Variants in PLS1 observed in about 807,000 individuals in gnomAD.
PLS1 encodes plastin 1, also known as plastin-1.
In PLS1, 32 loss-of-function variants were observed where a neutral mutation model predicts 73.7. That is an observed-to-expected ratio of 0.43 (90% CI 0.33 to 0.58). The LOEUF (loss-of-function observed/expected upper bound fraction) is 0.58. Among genes scored for constraint, PLS1 ranks in the 20% least tolerant of loss-of-function variants. The pLI is 0.04. For synonymous variants in PLS1, 217 were observed against 261.3 expected (o/e 0.83, Z 1.63); for missense variants, 633 against 740.5 (o/e 0.85, Z 1.68).
chr3:142,614,113 T>A (rs1042887245), intron 1 of PLS1, among the ~76,000 whole-genome samples: 24 of 152,318 alleles, frequency 1.6e-4, no homozygotes, highest in African/African-American at 5.5e-4. Flanking sequence ...CTCCTCACCC[T>A]CTGTGAGTCA....
In PLS1 at chr3:142,676,242, C is replaced by G. The variant is rs1560063240; in HGVS notation, c.450C>G (p.Pro150=). ...GTAAGCATCTTATACCCATGAATCC[C>G]AATGATGATAGTCTTTTCAAGTCAC... ...PDCKHLIPMN[P]NDDSLFKSLA... Residue 150 remains proline, a synonymous_variant, in exon 5 of 16, where the codon CCC becomes CCG. Coordinates refer to ENST00000457734, the MANE Select transcript of PLS1 (RefSeq NM_001145319.2). The G allele has an allele frequency of 1.4e-5, 22 of 1,613,240 alleles. No homozygotes were observed. Among genetic ancestry groups the G allele is most frequent in the Non-Finnish European group, 1.9e-5 (22 of 1,179,344 alleles).
intron 1 of PLS1, chr3:142,619,316 GT>G (rs901182966): frequency 2.0e-5 from 3 of 152,140 alleles, no homozygotes; most frequent in Non-Finnish European, 4.4e-5. Context: ...TTTGCTTTTT[GT>G]GACTCATTGC....
At chr3:142,655,431 A>G (rs2037203703) in intron 1 of PLS1, among the ~76,000 whole-genome samples, 1 of 152,084 alleles carries the variant, frequency 6.6e-6, no homozygotes. Context: ...TCCCTTTAAG[A>G]GATCACAAGC....
At chr3:142,661,400 G>A (rs1278549280) in intron 1 of PLS1, among the ~76,000 whole-genome samples, 1 of 152,052 alleles carries the variant, frequency 6.6e-6, no homozygotes, top group Non-Finnish European at 1.5e-5. Context: ...TTTAAAATAA[G>A]ACCAAAAGAT....
At chr3:142,618,461 T>G (rs2036253598) in intron 1 of PLS1, among the ~76,000 whole-genome samples, 1 of 152,250 alleles carries the variant, frequency 6.6e-6, no homozygotes, top group Non-Finnish European at 1.5e-5. Context: ...GGTCAGAAGT[T>G]TGATACAGGT....
intron 12 of PLS1, among the ~76,000 whole-genome samples, chr3:142,701,971 A>G (rs1422034252): frequency 6.6e-6 from 1 of 152,254 alleles, no homozygotes; most frequent in Non-Finnish European, 1.5e-5. Flanking sequence ...CTTACAGCAT[A>G]TATTTCTTTT....
intron 1 of PLS1, among the ~76,000 whole-genome samples, chr3:142,635,435 C>CAA (rs34712134): frequency 2.3e-5 from 3 of 129,550 alleles, no homozygotes; most frequent in Admixed American, 8.1e-5. Flanking sequence ...ACTAAAAATA[C>CAA]AAAAAAAAAA....
intron 1 of PLS1, among the ~76,000 whole-genome samples, chr3:142,604,370 T>C (rs1193806440): frequency 6.6e-6 from 1 of 152,216 alleles, no homozygotes; most frequent in Non-Finnish European, 1.5e-5. Context: ...GCACTCTGAA[T>C]TCTTTCCTGG....
At chr3:142,641,926 C>CT (rs1487449300) in intron 1 of PLS1, among the ~76,000 whole-genome samples, 1 of 151,954 alleles carries the variant, frequency 6.6e-6, no homozygotes, top group Non-Finnish European at 1.5e-5. Context: ...CAGTTTTGGC[C>CT]TTTCTTTTCT....
chr3:142,679,700 G>T (rs1488913106), intron 6 of PLS1, among the ~76,000 whole-genome samples: 2 of 151,708 alleles, frequency 1.3e-5, no homozygotes, highest in African/African-American at 4.8e-5. Flanking sequence ...TTTGAAGTCA[G>T]GTAGCGTGAT....
chr3:142,616,374 G>T (rs1001147552), intron 1 of PLS1, among the ~76,000 whole-genome samples: 3 of 152,134 alleles, frequency 2.0e-5, no homozygotes, highest in African/African-American at 7.2e-5. Flanking sequence ...GGAAGAGAAA[G>T]AACACTAAAT....
intron 1 of PLS1, among the ~76,000 whole-genome samples, chr3:142,655,433 ATCACAAGCCGGGCACCGTGGC>A (rs1297850578): frequency 6.6e-6 from 1 of 152,090 alleles, no homozygotes; most frequent in Non-Finnish European, 1.5e-5. Flanking sequence ...CCTTTAAGAG[ATCACAAGCCGGGCACCGTGGC>A]TCATGCCTGT....
chr3:142,638,738 ATTTTATTTTATTT>A (rs565023291), intron 1 of PLS1, among the ~76,000 whole-genome samples: 27 of 150,860 alleles, frequency 1.8e-4, no homozygotes, highest in Middle Eastern at 3.4e-3. Context: ...ATTTTATTTT[ATTTTATTTTATTT>A]TATTTTTGAG....
intron 8 of PLS1, among the ~76,000 whole-genome samples, chr3:142,685,662 A>G (rs184845047): frequency 6.6e-6 from 1 of 152,332 alleles, no homozygotes; most frequent in East Asian, 1.9e-4. Flanking sequence ...GTTAACTTTA[A>G]GAGAGAGGAA....
chr3:142,626,804 G>A (rs1305743766), intron 1 of PLS1, among the ~76,000 whole-genome samples: 1 of 152,096 alleles, frequency 6.6e-6, no homozygotes, highest in East Asian at 1.9e-4. Flanking sequence ...AAAGCTACTT[G>A]CTTATTTAGT....
chr3:142,647,075 A>G (rs2036967291), intron 1 of PLS1, among the ~76,000 whole-genome samples: 1 of 152,186 alleles, frequency 6.6e-6, no homozygotes, highest in Non-Finnish European at 1.5e-5. Context: ...TGCTCTAAAT[A>G]CAAGGTGTAG....
intron 1 of PLS1, among the ~76,000 whole-genome samples, chr3:142,660,348 G>A (rs1341578835): frequency 6.6e-6 from 1 of 151,984 alleles, no homozygotes; most frequent in African/African-American, 2.4e-5. Context: ...CCTTAACTTA[G>A]AGGAGTCCCA....
intron 12 of PLS1, among the ~76,000 whole-genome samples, chr3:142,702,239 AT>A (rs2038346556): frequency 6.6e-6 from 1 of 152,242 alleles, no homozygotes; most frequent in Admixed American, 6.5e-5. Flanking sequence ...TTTTAAAAAA[AT>A]GAATATATAT....
chr3:142,633,990 G>C (rs1560040694), intron 1 of PLS1, among the ~76,000 whole-genome samples: 2 of 152,158 alleles, frequency 1.3e-5, no homozygotes, highest in Admixed American at 6.5e-5. Context: ...AATATTTTAA[G>C]AGACCGAATT....
Sources: gnomAD v4.1 joint callset for allele counts (sites outside exome capture counted in the v4.1 genomes callset) on GRCh38, gnomAD v4.1.1 for gene constraint, MANE v1.5 for transcripts, NCBI Gene and HGNC (gene_info 2026-07-23, HGNC 2026-07-21) for gene names.